The following GABPA variants were observed in gnomAD, a reference collection of about 807,000 sequenced individuals.
The protein encoded by GABPA is GA-binding protein alpha chain.
In GABPA, 4 loss-of-function variants were observed where a neutral mutation model predicts 59.4. That is an observed-to-expected ratio of 0.07 (90% confidence interval 0.03 to 0.15). GABPA has a LOEUF of 0.15. Among genes scored for constraint, GABPA ranks in the 10% least tolerant of loss-of-function variants. The pLI is 1.00. For synonymous variants in GABPA, 164 were observed against 183.1 expected (o/e 0.90, Z 0.84); for missense variants, 251 against 543.8 (o/e 0.46, Z 5.36).
At chr21:25,752,874 G>A (rs2035548498) in intron 5 of GABPA, among the ~76,000 whole-genome samples, 1 of 152,128 alleles carries the variant, frequency 6.6e-6, no homozygotes, top group Non-Finnish European at 1.5e-5. Context: ...AGTTGTGACT[G>A]GATGATAATG....
chr21:25,754,922 A>ATGCCTGTAATCCCAGCTACT (rs1393459405), intron 5 of GABPA, among the ~76,000 whole-genome samples: 1 of 151,970 alleles, frequency 6.6e-6, no homozygotes, highest in African/African-American at 2.4e-5. Flanking sequence ...GTGGTGGTAC[A>ATGCCTGTAATCCCAGCTACT]TGCCTGTAAT....
rs1047852146 is a variant in GABPA, at chr21:25,746,042, C to T, written c.222+688C>T. The stretch of plus-strand genomic sequence containing the variant: ...TTTTCTTTTTTTTGAAATGGAGTCT[C>T]GTTCTGTCACCCAGGCTTTAGTGCA... On this transcript the variant is annotated intron_variant, in intron 3 of 9. Coordinates refer to ENST00000400075, the MANE Select transcript of GABPA (RefSeq NM_002040.4). 9.9e-5 allele frequency among the ~76,000 whole-genome samples: 15 copies of T among 151,038 alleles called. 1 individual carries two copies. The highest frequency in any genetic ancestry group is 4.2e-4 in the South Asian group (2 of 4,772).
chr21:25,741,427 C>T, intron 1 of GABPA, 146 bp from the exon 2 acceptor site: 1 of 403,626 alleles, frequency 2.5e-6, no homozygotes, highest in Non-Finnish European at 4.5e-6. Context: ...AGCCACCACA[C>T]CCAGCTGATT....
At position 25,752,423 on chromosome 21, in the gene GABPA, G is replaced by A. The variant is rs1446418492; in HGVS notation, c.553+189G>A. 1.1e-5 allele frequency: 7 copies of A among 635,222 alleles called. No homozygotes were observed. The Admixed American group carries it at 1.9e-4, about 17-fold the overall frequency. 39.3% of individuals were successfully genotyped at this position (635,222 alleles called of 1,614,324 possible). A position where few individuals can be genotyped will look rare whatever the true frequency, so the allele number is the denominator to read the frequency against. ...GTGGACAAATTCTGTCCTGCGTGCA[G>A]GAAATACAAAGAAGTCTAAAAAATT... On this transcript the variant is annotated intron_variant, in intron 5 of 9. Coordinates refer to ENST00000400075, the MANE Select transcript of GABPA (RefSeq NM_002040.4).
At chr21:25,768,946 T>G (rs2035956526) in intron 9 of GABPA, 58 bp from the exon 10 acceptor site, 1 of 1,089,406 alleles carries the variant, frequency 9.2e-7, no homozygotes, top group Middle Eastern at 2.1e-4. Flanking sequence ...AGTCTGTAAA[T>G]TATTGTAAGA....
At chr21:25,750,216 A>G (rs2035474649) in intron 4 of GABPA, among the ~76,000 whole-genome samples, 1 of 152,162 alleles carries the variant, frequency 6.6e-6, no homozygotes, top group African/African-American at 2.4e-5. Flanking sequence ...GCTACCACTG[A>G]TCTGACAGGA....
intron 6 of GABPA, among the ~76,000 whole-genome samples, chr21:25,759,285 T>C (rs1252638557): frequency 2.6e-5 from 4 of 152,214 alleles, no homozygotes; most frequent in African/African-American, 4.8e-5. Context: ...ACTCTGACTT[T>C]GCTTTTGTAT....
At chr21:25,741,540 G>C in intron 1 of GABPA, 33 bp from the exon 2 acceptor site, 1 of 1,246,302 alleles carries the variant, frequency 8.0e-7, no homozygotes, top group Non-Finnish European at 1.1e-6. Context: ...TATGTGGATA[G>C]TTTTAAAATA....
rs2036012454 is a variant in GABPA, at chr21:25,771,638, ATTCTT to A, written c.*2408_*2412del. ...TGTGAAAGAAAATAAAATTTATGCT[ATTCTT>A]TGCTTTGTTTTTATAAATGAATTTT... On this transcript the variant is annotated 3_prime_UTR_variant, in exon 10 of 10. Coordinates refer to ENST00000400075, the MANE Select transcript of GABPA (RefSeq NM_002040.4). 1 of 151,820 alleles carries A rather than the reference ATTCTT, an allele frequency of 6.6e-6. No homozygotes were observed. Among genetic ancestry groups the A allele is most frequent in the Non-Finnish European group, 1.5e-5 (1 of 67,888 alleles). 9.4% of individuals were successfully genotyped at this position (151,820 alleles called of 1,614,324 possible). A position where few individuals can be genotyped will look rare whatever the true frequency, so the allele number is the denominator to read the frequency against.
chr21:25,769,355 T>G lies in GABPA; in HGVS notation c.*123T>G. 2 of 588,722 alleles carry G rather than the reference T, an allele frequency of 3.4e-6. No individual in the cohort carries two copies. Among genetic ancestry groups the G allele is most frequent in the Non-Finnish European group, 6.1e-6 (2 of 325,720 alleles). The allele number at this position is 588,722 out of a possible 1,614,324, so 36.5% of individuals were successfully genotyped here. A position where few individuals can be genotyped will look rare whatever the true frequency, so the allele number is the denominator to read the frequency against. ...TAGGCTGTACAGTCTGATGCATGAT[T>G]TTTTTATAAATATTTCATACTCTTG... is the stretch of plus-strand genomic sequence containing the variant. On this transcript the variant is annotated 3_prime_UTR_variant, in exon 10 of 10. Transcript: ENST00000400075.
chr21:25,758,805 A>T (rs912105974), intron 6 of GABPA, among the ~76,000 whole-genome samples: 1 of 152,192 alleles, frequency 6.6e-6, no homozygotes, highest in Non-Finnish European at 1.5e-5. Context: ...AGACATTATT[A>T]TGATTAAGTG....
chr21:25,736,922 A>G (rs2035084092), intron 1 of GABPA, among the ~76,000 whole-genome samples: 1 of 152,178 alleles, frequency 6.6e-6, no homozygotes, highest in African/African-American at 2.4e-5. Context: ...AACTTAGGAA[A>G]ATGTGCAGTT....
intron 9 of GABPA, among the ~76,000 whole-genome samples, chr21:25,767,399 T>C (rs1315760985): frequency 1.3e-5 from 2 of 151,938 alleles, no homozygotes; most frequent in African/African-American, 4.8e-5. Flanking sequence ...AGAAATCATA[T>C]CCATGAAATA....
chr21:25,753,722 A>G (rs1192041008), intron 5 of GABPA, among the ~76,000 whole-genome samples: 1 of 152,208 alleles, frequency 6.6e-6, no homozygotes, highest in East Asian at 1.9e-4. Flanking sequence ...CAGATGAGGA[A>G]GAATGCTGGG....
At chr21:25,764,186 A>G (rs752355133) in intron 7 of GABPA, 24 bp from the exon 8 acceptor site, 4 of 1,530,772 alleles carry the variant, frequency 2.6e-6, no homozygotes, top group East Asian at 4.7e-5. Flanking sequence ...AAGAAAAAAA[A>G]TTTCTCCTTG....
At position 25,769,362 on chromosome 21, in the gene GABPA, T is replaced by C. The variant is rs533072604; in HGVS notation, c.*130T>C. ...TACAGTCTGATGCATGATTTTTTTA[T>C]AAATATTTCATACTCTTGTGAATTT... On this transcript the variant is annotated 3_prime_UTR_variant, in exon 10 of 10. Coordinates refer to ENST00000400075, the MANE Select transcript of GABPA (RefSeq NM_002040.4). 2 of 586,528 alleles carry C rather than the reference T, an allele frequency of 3.4e-6. No homozygotes were observed. The highest frequency in any genetic ancestry group is 3.0e-5 in the Admixed American group (1 of 32,916). 36.3% of individuals were successfully genotyped at this position (586,528 alleles called of 1,614,324 possible). A position where few individuals can be genotyped will look rare whatever the true frequency, so the allele number is the denominator to read the frequency against.
intron 3 of GABPA, among the ~76,000 whole-genome samples, chr21:25,747,088 A>G (rs1850454197): frequency 6.6e-6 from 1 of 152,228 alleles, no homozygotes; most frequent in Non-Finnish European, 1.5e-5. Flanking sequence ...AAACAGATTT[A>G]AAGAGGTTAA....
chr21:25,741,746 A>G, intron 2 of GABPA, 71 bp downstream of exon 2: 2 of 972,410 alleles, frequency 2.1e-6, no homozygotes, highest in Non-Finnish European at 3.2e-6. Flanking sequence ...GAAACAAGTC[A>G]TAGTTCTTTT....
At chr21:25,761,635 T>G (rs1376497208) in intron 6 of GABPA, among the ~76,000 whole-genome samples, 2 of 152,166 alleles carry the variant, frequency 1.3e-5, no homozygotes, top group Non-Finnish European at 2.9e-5. Context: ...GCTGAAGTAA[T>G]AGAGACTGGG....
Sources: allele counts gnomAD v4.1 joint callset (sites outside exome capture counted in the v4.1 genomes callset), GRCh38; gene constraint gnomAD v4.1.1; transcripts MANE v1.5; gene names NCBI Gene and HGNC (gene_info 2026-07-23, HGNC 2026-07-21).